Variants in KCNQ5 observed in about 807,000 individuals in gnomAD.
The protein encoded by KCNQ5 is potassium voltage-gated channel subfamily KQT member 5.
KCNQ5 carries 30 observed loss-of-function variants against 98.2 expected under a neutral mutation model. The observed-to-expected ratio is 0.31, with a 90% CI of 0.23 to 0.41. The LOEUF (loss-of-function observed/expected upper bound fraction) is 0.41. Ranked by LOEUF, KCNQ5 falls within the 10% of genes least tolerant of loss-of-function variation. The pLI, the probability that KCNQ5 is intolerant of heterozygous loss-of-function variation, is 1.00. For missense variants in KCNQ5, 835 were observed against 1,182.5 expected (o/e 0.71, Z 4.31); for synonymous variants, 458 against 449.4 (o/e 1.02, Z -0.24).
intron 1 of KCNQ5, among the ~76,000 whole-genome samples, chr6:72,931,195 C>T (rs1249819387): frequency 6.6e-6 from 1 of 152,090 alleles, no homozygotes; most frequent in African/African-American, 2.4e-5. Flanking sequence ...AGACAAAGAA[C>T]TTCTTCTAAA....
intron 1 of KCNQ5, among the ~76,000 whole-genome samples, chr6:72,683,930 A>G (rs1195795848): frequency 1.3e-5 from 2 of 152,166 alleles, no homozygotes; most frequent in East Asian, 3.9e-4. Flanking sequence ...GTCCTCATGG[A>G]AAGTCTTAAC....
intron 1 of KCNQ5, among the ~76,000 whole-genome samples, chr6:72,763,025 TTTTCATAAATAAAAATTTG>T (rs1772367821): frequency 6.6e-6 from 1 of 152,000 alleles, no homozygotes; most frequent in Non-Finnish European, 1.5e-5. Flanking sequence ...GAATCGGATG[TTTTCATAAATAAAAATTTG>T]TTCCATAAAT....
intron 1 of KCNQ5, among the ~76,000 whole-genome samples, chr6:72,636,803 T>C (rs748181742): frequency 6.6e-6 from 1 of 152,222 alleles, no homozygotes; most frequent in African/African-American, 2.4e-5. Flanking sequence ...TTACTGAGCC[T>C]CAAAAACCAT....
intron 1 of KCNQ5, among the ~76,000 whole-genome samples, chr6:72,997,846 A>G (rs1020102720): frequency 2.0e-5 from 3 of 149,190 alleles, no homozygotes; most frequent in African/African-American, 7.3e-5. Flanking sequence ...TTTATTGATT[A>G]GGGTCTTTGT....
chr6:72,918,160 C>T (rs778993784), intron 1 of KCNQ5, among the ~76,000 whole-genome samples: 5 of 152,080 alleles, frequency 3.3e-5, no homozygotes, highest in Non-Finnish European at 7.4e-5. Context: ...CACTATGCCC[C>T]ATAAAAACGT....
intron 3 of KCNQ5, among the ~76,000 whole-genome samples, chr6:73,060,611 A>G (rs1448539751): frequency 6.6e-6 from 1 of 152,164 alleles, no homozygotes. Context: ...ACGTCAAAAG[A>G]CAAATGTGGA....
intron 1 of KCNQ5, among the ~76,000 whole-genome samples, chr6:72,630,286 A>C (rs972285913): frequency 9.8e-5 from 15 of 152,306 alleles, no homozygotes; most frequent in South Asian, 4.1e-4. Context: ...AGAGATATAC[A>C]CCTTTTACAA....
At chr6:72,868,400 GA>G (rs1778077107) in intron 1 of KCNQ5, among the ~76,000 whole-genome samples, 1 of 152,140 alleles carries the variant, frequency 6.6e-6, no homozygotes, top group Non-Finnish European at 1.5e-5. Context: ...TAAGCCCCAA[GA>G]AATTGGATGA....
At chr6:72,726,658 C>G (rs557053907) in intron 1 of KCNQ5, among the ~76,000 whole-genome samples, 11 of 152,032 alleles carry the variant, frequency 7.2e-5, no homozygotes, top group Middle Eastern at 3.4e-3. Flanking sequence ...GGGAGATGAT[C>G]AGATGATTAA....
intron 1 of KCNQ5, among the ~76,000 whole-genome samples, chr6:72,678,885 A>G (rs1186376777): frequency 6.6e-6 from 1 of 152,232 alleles, no homozygotes; most frequent in African/African-American, 2.4e-5. Flanking sequence ...ATAAAAATAA[A>G]AGACATGAAG....
intron 3 of KCNQ5, among the ~76,000 whole-genome samples, chr6:73,065,015 T>G (rs1772982866): frequency 6.7e-6 from 1 of 148,912 alleles, no homozygotes. Context: ...TTTCAGTAGG[T>G]TACTGATATT....
At chr6:72,930,526 G>T (rs1321829914) in intron 1 of KCNQ5, among the ~76,000 whole-genome samples, 1 of 137,666 alleles carries the variant, frequency 7.3e-6, no homozygotes, top group East Asian at 2.3e-4. Flanking sequence ...ATTTTTTGAG[G>T]TCATTAACAT....
At chr6:73,002,996 G>C (rs1769654081) in intron 1 of KCNQ5, among the ~76,000 whole-genome samples, 2 of 152,096 alleles carry the variant, frequency 1.3e-5, no homozygotes, top group Admixed American at 6.5e-5. Context: ...TTTTAAGACA[G>C]CTTACTATAT....
chr6:73,059,168 G>T (rs1014596857), intron 3 of KCNQ5, among the ~76,000 whole-genome samples: 1 of 152,134 alleles, frequency 6.6e-6, no homozygotes, highest in Non-Finnish European at 1.5e-5. Context: ...CAACCTACAT[G>T]CCCATTGATG....
At chr6:72,632,256 G>T (rs2098921348) in intron 1 of KCNQ5, among the ~76,000 whole-genome samples, 1 of 150,390 alleles carries the variant, frequency 6.6e-6, no homozygotes, top group Non-Finnish European at 1.5e-5. Flanking sequence ...TCCCGCCTCA[G>T]CCTCCCAAGT....
intron 2 of KCNQ5, among the ~76,000 whole-genome samples, chr6:73,036,977 A>G (rs1211882995): frequency 6.6e-6 from 1 of 152,212 alleles, no homozygotes; most frequent in Non-Finnish European, 1.5e-5. Flanking sequence ...TGAATGATCC[A>G]GCTTCTCCGC....
At chr6:72,998,415 T>C (rs1769402214) in intron 1 of KCNQ5, among the ~76,000 whole-genome samples, 1 of 152,204 alleles carries the variant, frequency 6.6e-6, no homozygotes, top group African/African-American at 2.4e-5. Flanking sequence ...GCATCTTTTA[T>C]TTCAATCCTA....
intron 10 of KCNQ5, among the ~76,000 whole-genome samples, chr6:73,148,165 C>T (rs1399200750): frequency 6.6e-6 from 1 of 152,092 alleles, no homozygotes; most frequent in Non-Finnish European, 1.5e-5. Flanking sequence ...TGCTTCACAC[C>T]GTCACTCAAA....
chr6:73,077,627 G>T, intron 4 of KCNQ5, 130 bp downstream of exon 4: 1 of 1,257,024 alleles, frequency 8.0e-7, no homozygotes, highest in Non-Finnish European at 1.1e-6. Flanking sequence ...TTTGGGACAT[G>T]ATGTACAATG....
Sources: allele counts gnomAD v4.1 joint callset (sites outside exome capture counted in the v4.1 genomes callset), GRCh38; gene constraint gnomAD v4.1.1; transcripts MANE v1.5; gene names NCBI Gene and HGNC (gene_info 2026-07-23, HGNC 2026-07-21).